The following ZNF479 variants were observed in gnomAD, a reference collection of about 807,000 sequenced individuals.
ZNF479 encodes KRAB zinc finger protein KR19.
A neutral mutation model predicts 14.7 loss-of-function variants in ZNF479; 15 were observed. The observed-to-expected ratio is 1.02, with a 90% CI of 0.68 to 1.57. The LOEUF (loss-of-function observed/expected upper bound fraction) is 1.57, where lower values mean the gene tolerates loss of function less well. Among genes scored for constraint, ZNF479 ranks in the 40% most tolerant of loss-of-function variants. The pLI is 0.00. For synonymous variants in ZNF479, 145 were observed against 211.5 expected (o/e 0.69, Z 2.73); for missense variants, 506 against 615.1 (o/e 0.82, Z 1.88).
At position 57,121,161 on chromosome 7, in the gene ZNF479, C is replaced by T; in HGVS notation, c.263-9G>A. On this transcript the variant is annotated splice_polypyrimidine_tract_variant and intron_variant, in intron 3 of 3. Coordinates refer to ENST00000319636, the MANE Select transcript of ZNF479 (RefSeq NM_001370129.2). ...GAAATGGGAACGCGTAACTGAAAGA[C>T]ACAAAAAGCACAAGTTACTCCACTT... 1 of 1,613,166 alleles carries T rather than the reference C, an allele frequency of 6.2e-7. No individual in the cohort carries two copies. Among genetic ancestry groups the T allele is most frequent in the Non-Finnish European group, 8.5e-7 (1 of 1,179,764 alleles).
At chr7:57,130,302 A>G (rs1050666022) in intron 1 of ZNF479, among the ~76,000 whole-genome samples, 3 of 152,134 alleles carry the variant, frequency 2.0e-5, no homozygotes, top group African/African-American at 4.8e-5. Context: ...GTGAAAGCCA[A>G]TCTCTACTAA....
intron 3 of ZNF479, among the ~76,000 whole-genome samples, chr7:57,125,307 G>A (rs1199986426): frequency 6.6e-6 from 1 of 151,842 alleles, no homozygotes; most frequent in East Asian, 1.9e-4. Context: ...TGTTTTTTAT[G>A]AGAAAAAAGA....
upstream of ZNF479, among the ~76,000 whole-genome samples, chr7:57,132,640 A>T (rs1478129781): frequency 6.6e-6 from 1 of 152,206 alleles, no homozygotes; most frequent in African/African-American, 2.4e-5. Context: ...TTCTTCCTCG[A>T]TCGGAGCCAG....
At chr7:57,124,557 T>G (rs934677964) in intron 3 of ZNF479, among the ~76,000 whole-genome samples, 4 of 152,210 alleles carry the variant, frequency 2.6e-5, no homozygotes, top group African/African-American at 9.6e-5. Context: ...GCACATTTTC[T>G]TAGATATGCC....
In ZNF479 at chr7:57,119,837, A is replaced by G. The variant is rs782715394; in HGVS notation, c.*3T>C. On this transcript the variant is annotated 3_prime_UTR_variant, in exon 4 of 4. Coordinates refer to ENST00000319636, the MANE Select transcript of ZNF479 (RefSeq NM_001370129.2). ...ATAAGGCCTGAGGGTGGACTTTGCC[A>G]TATTATTCACATTTGTAGGGTTTCT... The G allele has an allele frequency of 1.9e-5, 30 of 1,611,884 alleles. No individual in the cohort carries two copies. The highest frequency in any genetic ancestry group is 1.6e-4 in the South Asian group (15 of 90,936).
chr7:57,135,352 G>A (rs764999640), upstream of ZNF479, among the ~76,000 whole-genome samples: 3 of 152,134 alleles, frequency 2.0e-5, no homozygotes, highest in Non-Finnish European at 4.4e-5. Context: ...GTCCCTCTCG[G>A]CTAAAATTAG....
rs577688315 is a variant in ZNF479, at chr7:57,130,894, T to C, written c.39+1392A>G. On this transcript the variant is annotated intron_variant, in intron 1 of 3. Transcript: ENST00000319636. The stretch of plus-strand genomic sequence containing the variant: ...TAGACTGGATAAAGAAAACGTCGTA[T>C]GTAAACACCACGAAATATGATGCAC... Among the ~76,000 whole-genome samples, 4 of 152,336 alleles carry C rather than the reference T, an allele frequency of 2.6e-5. No individual in the cohort carries two copies. In the South Asian group the frequency reaches 8.3e-4, roughly 32 times the overall value.
chr7:57,120,632 T>A lies in ZNF479; in HGVS notation c.783A>T (p.Arg261Ser). Reference sequence around the variant, plus strand: ...TGTAGGGTTTCTCTCCAGTATGAGTTCTCTTATGTCTAGTAAGGTTTGCAG... The same window carrying A: ...TGTAGGGTTTCTCTCCAGTATGAGTACTCTTATGTCTAGTAAGGTTTGCAG... The part of the protein sequence containing the change: ...SWSANLTRHK[R>S]THTGEKPYTC... Residue 261 changes from arginine (R) to serine (S), a missense_variant, in exon 4 of 4, where the codon AGA becomes AGT. Physicochemically the swap from Arg to Ser is moderately radical, Grantham distance 110 (BLOSUM62 -1). This residue lies in a region of ZNF479 where 420 missense variants were observed against 474.2 expected (regional missense o/e 0.89). Coordinates refer to ENST00000319636, the MANE Select transcript of ZNF479 (RefSeq NM_001370129.2). 1 of 1,613,944 alleles carries A rather than the reference T, an allele frequency of 6.2e-7. No individual in the cohort carries two copies. Among genetic ancestry groups the A allele is most frequent in the South Asian group, 1.1e-5 (1 of 91,080 alleles).
intron 3 of ZNF479, among the ~76,000 whole-genome samples, chr7:57,122,087 G>A (rs564446070): frequency 3.4e-4 from 52 of 152,008 alleles, no homozygotes; most frequent in African/African-American, 1.2e-3. Context: ...AAAAAGATCC[G>A]CAACACAAAT....
chr7:57,119,795 A>G lies in ZNF479; in HGVS notation c.*45T>C, dbSNP rs181730812. 64,740 of 1,491,642 alleles carry G rather than the reference A, an allele frequency of 0.043. 2,256 individuals are homozygous for G. Among genetic ancestry groups the G allele is most frequent in the East Asian group, 0.21 (8,797 of 41,194 alleles). 92.4% of individuals were successfully genotyped at this position (1,491,642 alleles called of 1,614,324 possible). A position where few individuals can be genotyped will look rare whatever the true frequency, so the allele number is the denominator to read the frequency against. Reference sequence around the variant, plus strand: ...CATTTGTAGTGTTTTTTTCCAGTGTAAATTATTTTATGTATTATAAGGCCT... The same window carrying G: ...CATTTGTAGTGTTTTTTTCCAGTGTGAATTATTTTATGTATTATAAGGCCT... On this transcript the variant is annotated 3_prime_UTR_variant, in exon 4 of 4. Coordinates refer to ENST00000319636, the MANE Select transcript of ZNF479 (RefSeq NM_001370129.2).
At chr7:57,139,433 C>G (rs903575262) in intron 1 of ZNF479, among the ~76,000 whole-genome samples, 1 of 152,190 alleles carries the variant, frequency 6.6e-6, no homozygotes, top group Non-Finnish European at 1.5e-5. Flanking sequence ...AATACTTAAC[C>G]ATATCTCGCA....
chr7:57,119,446 A>G lies in ZNF479; in HGVS notation c.*394T>C, dbSNP rs2115848735. Among the ~76,000 whole-genome samples, 1 of 152,258 alleles carries G rather than the reference A, an allele frequency of 6.6e-6. No homozygotes were observed. The highest frequency in any genetic ancestry group is 2.4e-5 in the African/African-American group (1 of 41,550). On this transcript the variant is annotated 3_prime_UTR_variant, in exon 4 of 4. Coordinates refer to ENST00000319636, the MANE Select transcript of ZNF479 (RefSeq NM_001370129.2). Reference sequence around the variant, plus strand: ...AACATGGTGAAACTCTATCTCTACTAAAAATACACAAATCAGCCAGTGTGG... The same window carrying G: ...AACATGGTGAAACTCTATCTCTACTGAAAATACACAAATCAGCCAGTGTGG...
At chr7:57,130,834 C>G (rs1786382253) in intron 1 of ZNF479, among the ~76,000 whole-genome samples, 1 of 152,226 alleles carries the variant, frequency 6.6e-6, no homozygotes, top group East Asian at 1.9e-4. Flanking sequence ...TTCACAATAG[C>G]AAAAACAAGA....
At chr7:57,133,082 C>T (rs1416819730), upstream of ZNF479, among the ~76,000 whole-genome samples, 20 of 151,996 alleles carry the variant, frequency 1.3e-4, no homozygotes, top group African/African-American at 4.8e-4. Flanking sequence ...TGCAGTGAGC[C>T]GAGATGGCGC....
chr7:57,119,976 A>C lies in ZNF479; in HGVS notation c.1439T>G (p.Leu480Arg). 6.2e-7 allele frequency: 1 copy of C among 1,613,762 alleles called. No homozygotes were observed. The highest frequency in any genetic ancestry group is 1.1e-5 in the South Asian group (1 of 91,052). The change falls in exon 4 of 4, where the codon CTT (leucine) becomes CGT (arginine). Residue 480 changes from leucine (L) to arginine (R), a missense_variant. This residue lies in a region of ZNF479 where 72 missense variants were observed against 97.6 expected (regional missense o/e 0.74). Transcript: ENST00000319636. ...AGTATGAATTCTCTTATGTTGCATA[A>C]GGGTTGAGGAGCAATTAAAGGCTTT... ...CGKAFNCSST[L>R]MQHKRIHTGE...
At chr7:57,124,810 C>T (rs1390522121) in intron 3 of ZNF479, among the ~76,000 whole-genome samples, 1 of 152,166 alleles carries the variant, frequency 6.6e-6, no homozygotes, top group Admixed American at 6.6e-5. Flanking sequence ...TGCGGTGGCT[C>T]ACACGTGTGA....
upstream of ZNF479, among the ~76,000 whole-genome samples, chr7:57,133,818 A>T (rs1325511425): frequency 6.6e-6 from 1 of 152,014 alleles, no homozygotes; most frequent in African/African-American, 2.4e-5. Context: ...GTGACCCGAG[A>T]TCACACCACA....
chr7:57,119,163 G>A lies in ZNF479; in HGVS notation c.*677C>T, dbSNP rs879972013. ...TAAAGACATTACCATATTCCTTATT[G>A]TAGGGTTTCTCTTCAGTATTAATTC... On this transcript the variant is annotated 3_prime_UTR_variant, in exon 4 of 4. Coordinates refer to ENST00000319636, the MANE Select transcript of ZNF479 (RefSeq NM_001370129.2). Among the ~76,000 whole-genome samples, 9 of 152,082 alleles carry A rather than the reference G, an allele frequency of 5.9e-5. No homozygotes were observed. The highest frequency in any genetic ancestry group is 3.9e-4 in the Admixed American group (6 of 15,262).
intron 1 of ZNF479, among the ~76,000 whole-genome samples, chr7:57,127,935 ATATT>A (rs1786246164): frequency 1.3e-5 from 1 of 74,322 alleles, no homozygotes; most frequent in African/African-American, 6.3e-5. Context: ...ATATATATAT[ATATT>A]TTTTTTTTTT....
Sources: allele counts gnomAD v4.1 joint callset (sites outside exome capture counted in the v4.1 genomes callset), GRCh38; gene constraint gnomAD v4.1.1; regional missense constraint gnomAD v4.1.1; transcripts MANE v1.5; gene names NCBI Gene and HGNC (gene_info 2026-07-23, HGNC 2026-07-21).